The following DMKN variants were observed in gnomAD, a reference collection of about 807,000 sequenced individuals.
DMKN encodes the protein dermokine, also known as epidermis-specific secreted protein SK30/SK89.
A neutral mutation model predicts 67.6 loss-of-function variants in DMKN; 58 were observed. The ratio of observed to expected loss-of-function variants is 0.86; its 90% CI spans 0.69 to 1.07. The LOEUF (loss-of-function observed/expected upper bound fraction) is 1.07, where lower values mean the gene tolerates loss of function less well. Ranked by LOEUF, DMKN falls within the 50% of genes least tolerant of loss-of-function variation. The pLI is 0.00. For synonymous variants in DMKN, 240 were observed against 232.3 expected, an observed-to-expected ratio of 1.03 and a Z score of -0.30; for missense variants, 596 against 601.5, an observed-to-expected ratio of 0.99 and a Z score of 0.10.
chr19:35,503,344 A>T (rs552110961), intron 9 of DMKN: 9 of 1,545,464 alleles, frequency 5.8e-6, no homozygotes, highest in Non-Finnish European at 7.9e-6. Context: ...AAGGGCTGAG[A>T]TTAGTGATGA....
chr19:35,499,683 G>T (rs983655242), intron 13 of DMKN, among the ~76,000 whole-genome samples: 7 of 152,122 alleles, frequency 4.6e-5, no homozygotes, highest in African/African-American at 1.2e-4. Flanking sequence ...CTTGGAGAGG[G>T]TGTTGGTTCT....
At chr19:35,512,276 G>T (rs968265454) in intron 3 of DMKN, 145 bp downstream of exon 3, 17 of 1,124,324 alleles carry the variant, frequency 1.5e-5, no homozygotes, top group Non-Finnish European at 1.0e-5. Flanking sequence ...GGGATTACAG[G>T]TGTGAGCCAC....
rs1371927311 is a variant in DMKN, at chr19:35,502,332, AG to A, written c.1192-150del. 4.1e-6 allele frequency: 3 copies of A among 723,224 alleles called. No homozygotes were observed. In the African/African-American group the frequency reaches 5.2e-5, roughly 13 times the overall value. 44.8% of individuals were successfully genotyped at this position (723,224 alleles called of 1,614,324 possible). On this transcript the variant is annotated intron_variant, in intron 10 of 15. Transcript: ENST00000339686. ...AGGAAGGTAAGCACGTGGGAGATTG[AG>A]GGTGTCAGCACTTGAGATGGTATTG...
chr19:35,511,717 C>T (rs745659662), intron 4 of DMKN, 46 bp downstream of exon 4: 1 of 1,600,604 alleles, frequency 6.2e-7, no homozygotes, highest in East Asian at 2.2e-5. Context: ...AGAACTTCTC[C>T]ATTTCCTCCT....
In DMKN at chr19:35,513,548, C is replaced by A; in HGVS notation, c.-73G>T. 6.6e-7 allele frequency: 1 copy of A among 1,509,674 alleles called. No homozygotes were observed. Among genetic ancestry groups the A allele is most frequent in the Admixed American group, 2.1e-5 (1 of 47,680 alleles). 93.5% of individuals were successfully genotyped at this position (1,509,674 alleles called of 1,614,324 possible). A position where few individuals can be genotyped will look rare whatever the true frequency, so the allele number is the denominator to read the frequency against. Reference sequence around the variant, plus strand: ...TCTCCTCCTTGCCGCCCTTGCTCTGCGTCTCTGTGCCCTCCTCTGTCCTCC... The same window carrying A: ...TCTCCTCCTTGCCGCCCTTGCTCTGAGTCTCTGTGCCCTCCTCTGTCCTCC... On this transcript the variant is annotated 5_prime_UTR_variant, in exon 1 of 16. Coordinates refer to ENST00000339686, the MANE Select transcript of DMKN (RefSeq NM_033317.5).
chr19:35,498,535 TCCACACC>T (rs1243042727), intron 15 of DMKN, 174 bp downstream of exon 15: 2 of 804,664 alleles, frequency 2.5e-6, no homozygotes, highest in Non-Finnish European at 3.8e-6. Flanking sequence ...TGGGTCTTTC[TCCACACC>T]CCACCATGAG....
At chr19:35,511,376 C>A in intron 5 of DMKN, 35 bp downstream of exon 5, 3 of 1,605,344 alleles carry the variant, frequency 1.9e-6, no homozygotes, top group Non-Finnish European at 2.5e-6. Context: ...AGGGCCTCAC[C>A]CCATCTCAGC....
Position 35,511,492 on chromosome 19 carries a change from G to GCCACTGCTGCTGCCA in DMKN, c.822_836dup (p.Ser278_Ser282dup), listed in dbSNP as rs1254808618. 3 of 1,066,154 alleles carry GCCACTGCTGCTGCCA rather than the reference G, an allele frequency of 2.8e-6. No individual in the cohort carries two copies. The highest frequency in any genetic ancestry group is 1.2e-4 in the East Asian group (2 of 16,594). The allele number at this position is 1,066,154 out of a possible 1,614,324, so 66.0% of individuals were successfully genotyped here. ...CACCACTGCTGCCGCCACTGCTGCC[G>GCCACTGCTGCTGCCA]CCACTGCTGCTGCCACTGCTGCTGC... On this transcript the variant is annotated inframe_insertion, in exon 5 of 16. Transcript: ENST00000339686.
intron 7 of DMKN, chr19:35,506,899 G>A (rs1203224274): frequency 1.0e-5 from 2 of 200,832 alleles, no homozygotes; most frequent in African/African-American, 4.7e-5. Flanking sequence ...TGTAATCCCA[G>A]CTACTTGGGA....
At chr19:35,500,147 C>G in intron 12 of DMKN, 118 bp from the exon 13 acceptor site, 1 of 1,248,460 alleles carries the variant, frequency 8.0e-7, no homozygotes, top group East Asian at 2.3e-5. Context: ...GCCTGCTCCC[C>G]TCCTTGTGTC....
Position 35,501,836 on chromosome 19 carries a change from C to T in DMKN, c.1239+300G>A, listed in dbSNP as rs777961781. On this transcript the variant is annotated intron_variant, in intron 11 of 15. Transcript: ENST00000339686. ...TGCGGTACCCACCCAGCCGTGGCTC[C>T]CCTGGGTCCAGGCCAGGCCCAGCAG... 15 of 1,575,912 alleles carry T rather than the reference C, an allele frequency of 9.5e-6. No homozygotes were observed. The African/African-American group carries it at 1.6e-4, about 17-fold the overall frequency.
In DMKN at chr19:35,505,938, C is replaced by T. The variant is rs199739325; in HGVS notation, c.1086+1G>A. On this transcript the variant is annotated splice_donor_variant, in intron 8 of 15. Coordinates refer to ENST00000339686, the MANE Select transcript of DMKN (RefSeq NM_033317.5). LOFTEE classifies it high-confidence loss of function. ...GAACAGAGCCATCTCGCAGAACTCACCTTCCAGAAAGTGTCAAAGTTAAAC... is the reference window on the plus strand; with the variant it reads ...GAACAGAGCCATCTCGCAGAACTCATCTTCCAGAAAGTGTCAAAGTTAAAC... 98 of 1,614,178 alleles carry T rather than the reference C, an allele frequency of 6.1e-5. No homozygotes were observed. Among genetic ancestry groups the T allele is most frequent in the Middle Eastern group, 4.9e-4 (3 of 6,062 alleles).
intron 3 of DMKN, 71 bp downstream of exon 3, chr19:35,512,350 T>C (rs369344005): frequency 9.9e-5 from 155 of 1,568,570 alleles, no homozygotes; most frequent in Middle Eastern, 1.7e-4. Context: ...GCTTTCCTCT[T>C]TGTCTTTCCC....
Position 35,511,563 on chromosome 19 carries a change from C to T in DMKN, c.766G>A (p.Gly256Ser), listed in dbSNP as rs759369024. Residue 256 changes from glycine (G) to serine (S), a missense_variant, in exon 5 of 16, where the codon GGC (glycine) becomes AGC (serine). Transcript: ENST00000339686. ...TTGTTGTCACCATTGCTGCCACTGC[C>T]ACTGCTGCCCGACTGTGAGCCGCTG... ...GGSGSQSGSS[G>S]SGSNGDNNNG... The T allele has an allele frequency of 8.8e-6, 14 of 1,594,366 alleles. No homozygotes were observed. In the Middle Eastern group the frequency reaches 1.1e-3, roughly 120 times the overall value.
At chr19:35,502,970 C>T in intron 9 of DMKN, 84 bp from the exon 10 acceptor site, 2 of 1,419,468 alleles carry the variant, frequency 1.4e-6, no homozygotes, top group Non-Finnish European at 1.9e-6. Flanking sequence ...CCTATCTCAA[C>T]CTTCAGAATG....
intron 5 of DMKN, chr19:35,510,583 C>T: frequency 6.7e-7 from 1 of 1,497,592 alleles, no homozygotes; most frequent in Non-Finnish European, 8.9e-7. Context: ...GGAAGGGACC[C>T]TAGAGCCCTC....
In DMKN at chr19:35,510,647, G is replaced by A. The variant is rs536766987; in HGVS notation, c.919-395C>T. On this transcript the variant is annotated intron_variant, in intron 5 of 15. Transcript: ENST00000339686. ...CACCATTCCCAGAACTGCCCTAGAT[G>A]GGGGAGAGGAGGATCATACGGGGAG... The A allele has an allele frequency of 1.8e-4, 227 of 1,247,280 alleles. No homozygotes were observed. In the African/African-American group the frequency reaches 3.0e-3, roughly 16 times the overall value. The allele number at this position is 1,247,280 out of a possible 1,614,324, so 77.3% of individuals were successfully genotyped here.
At chr19:35,498,544 C>T in intron 15 of DMKN, 172 bp downstream of exon 15, 1 of 866,276 alleles carries the variant, frequency 1.2e-6, no homozygotes, top group Non-Finnish European at 1.7e-6. Flanking sequence ...CTCCACACCC[C>T]ACCATGAGGT....
chr19:35,508,248 G>A, intron 7 of DMKN: 1 of 1,552,070 alleles, frequency 6.4e-7, no homozygotes. Flanking sequence ...GCCCTGCAGG[G>A]TGAGACAAAG....
Sources: allele counts gnomAD v4.1 joint callset (sites outside exome capture counted in the v4.1 genomes callset), GRCh38; gene constraint gnomAD v4.1.1; transcripts MANE v1.5; gene names NCBI Gene and HGNC (gene_info 2026-07-23, HGNC 2026-07-21).